The following ASPH variants were observed in gnomAD, a reference collection of about 807,000 sequenced individuals.
The protein encoded by ASPH is aspartyl/asparaginyl beta-hydroxylase.
Under a neutral mutation model 118.4 loss-of-function variants are expected in ASPH, and 100 were observed. The ratio of observed to expected loss-of-function variants is 0.84; its 90% CI spans 0.72 to 1.00. The LOEUF is 1.00. Ranked by LOEUF, ASPH falls within the 50% of genes least tolerant of loss-of-function variation. The probability of loss-of-function intolerance (pLI) is 0.00; values close to 1 mark genes in which losing one functional copy is unlikely to be tolerated. For synonymous variants in ASPH, 315 were observed against 325.6 expected (o/e 0.97, Z 0.35); for missense variants, 920 against 919.5 (o/e 1.00, Z -0.01).
intron 3 of ASPH, among the ~76,000 whole-genome samples, chr8:61,678,905 T>A (rs1826595440): frequency 6.6e-6 from 1 of 152,056 alleles, no homozygotes; most frequent in Admixed American, 6.6e-5. Flanking sequence ...CCCCATAACC[T>A]CTACCTGACC....
intron 3 of ASPH, among the ~76,000 whole-genome samples, chr8:61,671,178 C>T (rs569210590): frequency 9.9e-5 from 15 of 152,266 alleles, no homozygotes; most frequent in South Asian, 6.2e-4. Context: ...AAGGCAGGTA[C>T]GAAAGGCCCA....
chr8:61,661,774 T>A, intron 3 of ASPH: 2 of 364,680 alleles, frequency 5.5e-6, no homozygotes, highest in Non-Finnish European at 9.9e-6. Context: ...CAGGTCATAA[T>A]ACAAAATATT....
At chr8:61,549,915 C>T (rs117227546) in intron 20 of ASPH, among the ~76,000 whole-genome samples, 1 of 152,264 alleles carries the variant, frequency 6.6e-6, no homozygotes, top group East Asian at 1.9e-4. Flanking sequence ...GATTTTAGTT[C>T]CGGCCTTTAA....
chr8:61,566,063 A>G (rs992313630), intron 17 of ASPH, among the ~76,000 whole-genome samples: 1 of 152,208 alleles, frequency 6.6e-6, no homozygotes, highest in Non-Finnish European at 1.5e-5. Context: ...TCTGATGGAG[A>G]TGTATAAGGA....
intron 24 of ASPH, among the ~76,000 whole-genome samples, chr8:61,508,158 G>T (rs1243370765): frequency 6.6e-6 from 1 of 152,154 alleles, no homozygotes. Context: ...AGGACTACAG[G>T]TATGTGCCAC....
At chr8:61,665,070 T>C in intron 3 of ASPH, 1 of 1,336,932 alleles carries the variant, frequency 7.5e-7, no homozygotes, top group Non-Finnish European at 9.6e-7. Flanking sequence ...TGTTTTTACA[T>C]TTAGAAGTAT....
Position 61,644,628 on chromosome 8 carries a change from G to A in ASPH, c.624C>T (p.Thr208=), listed in dbSNP as rs776800595. 2.1e-5 allele frequency: 33 copies of A among 1,582,412 alleles called. No homozygotes were observed. Among genetic ancestry groups the A allele is most frequent in the Non-Finnish European group, 2.3e-5 (27 of 1,164,742 alleles). ...TCTCTTCCACGTGGTAACTATGCTC[G>A]GTTTCTGGAAAAAAAAAAATTAGAT... ...TLEPEVSHEE[T]EHSYHVEETV... Residue 208 remains threonine (T), a synonymous_variant, in exon 7 of 25, where the codon ACC becomes ACT. Transcript: ENST00000379454.
intron 6 of ASPH, among the ~76,000 whole-genome samples, chr8:61,644,913 A>G (rs1807142604): frequency 6.6e-6 from 1 of 152,184 alleles, no homozygotes; most frequent in Non-Finnish European, 1.5e-5. Context: ...CACAGGCCAG[A>G]CCAGGAAAGC....
In ASPH at chr8:61,643,644, G is replaced by C. The variant is rs12114414; in HGVS notation, c.710-211C>G. 0.028 allele frequency among the ~76,000 whole-genome samples: 4,272 copies of C among 152,172 alleles called. 204 individuals carry two copies. The highest frequency in any genetic ancestry group is 0.097 in the African/African-American group (4,006 of 41,436). On this transcript the variant is annotated intron_variant, in intron 8 of 24. Transcript: ENST00000379454. ...AGAGTAGAAATGGGATTTGTACCCA[G>C]AATGACTTTATAGTACATCATACTG... is the stretch of plus-strand genomic sequence containing the variant.
chr8:61,513,263 A>G (rs1359963932), intron 24 of ASPH, among the ~76,000 whole-genome samples: 1 of 152,228 alleles, frequency 6.6e-6, no homozygotes, highest in African/African-American at 2.4e-5. Flanking sequence ...TTCTACAATC[A>G]TAGCACAGAA....
At chr8:61,530,335 A>G (rs111426853) in intron 21 of ASPH, among the ~76,000 whole-genome samples, 1,890 of 152,294 alleles carry the variant, frequency 0.012, 21 homozygotes, top group Non-Finnish European at 0.02. Flanking sequence ...CACAGGTTTG[A>G]TTCTTTCTAC....
At chr8:61,545,263 G>A (rs73685080) in intron 21 of ASPH, among the ~76,000 whole-genome samples, 6,509 of 152,270 alleles carry the variant, frequency 0.043, 351 homozygotes, top group African/African-American at 0.13. Flanking sequence ...TTTCCATCAT[G>A]TGAAGACACA....
intron 20 of ASPH, among the ~76,000 whole-genome samples, chr8:61,552,621 T>TAA (rs528731457): frequency 7.5e-4 from 114 of 152,352 alleles, no homozygotes; most frequent in Non-Finnish European, 1.4e-3. Flanking sequence ...GTCAAACTGT[T>TAA]AAAATATTTC....
At chr8:61,626,029 T>C in intron 13 of ASPH, 6 of 1,224,008 alleles carry the variant, frequency 4.9e-6, no homozygotes, top group Non-Finnish European at 6.1e-6. Context: ...ATGGATCCAC[T>C]AATGCTATCA....
At chr8:61,539,699 G>GGTGTGTGTGTGTGTGTGAGTGTGT (rs1821068393) in intron 21 of ASPH, among the ~76,000 whole-genome samples, 1 of 124,214 alleles carries the variant, frequency 8.1e-6, no homozygotes, top group South Asian at 3.0e-4. Flanking sequence ...ACACTTCTGG[G>GGTGTGTGTGTGTGTGTGAGTGTGT]GTGTGTGTGT....
chr8:61,555,953 T>G lies in ASPH; in HGVS notation c.1507A>C (p.Lys503Gln), dbSNP rs755536762. The change falls in exon 19 of 25, where the codon AAA becomes CAA. Residue 503 changes from lysine to glutamine, a missense_variant. Lys to Gln is a moderately conservative substitution (Grantham distance 53). Coordinates refer to ENST00000379454, the MANE Select transcript of ASPH (RefSeq NM_004318.4). ...AAATATGGGATGCTCTCAGCAATTT[T>G]GTTCTGTGCCTTCAGGATGAAGCCA... ...HYGFILKAQN[K>Q]IAESIPYLKE... The G allele has an allele frequency of 6.2e-7, 1 of 1,614,092 alleles. No individual in the cohort carries two copies. The highest frequency in any genetic ancestry group is 1.1e-5 in the South Asian group (1 of 91,068).
intron 15 of ASPH, chr8:61,578,331 T>A: frequency 6.2e-7 from 1 of 1,605,912 alleles, no homozygotes; most frequent in South Asian, 1.1e-5. Flanking sequence ...CTCCTCGAGC[T>A]TCTCCTGAGT....
intron 18 of ASPH, among the ~76,000 whole-genome samples, chr8:61,561,574 T>C (rs902863626): frequency 6.6e-6 from 1 of 152,216 alleles, no homozygotes; most frequent in Non-Finnish European, 1.5e-5. Flanking sequence ...GCTTTGAGGA[T>C]AGACCCAGTC....
Position 61,500,778 on chromosome 8 carries a change from A to AAAC in ASPH, c.*2578_*2580dup, listed in dbSNP as rs1436341746. The AAAC allele has an allele frequency of 5.3e-5, 8 of 152,316 alleles. 1 individual carries two copies. In the South Asian group the frequency reaches 1.7e-3, roughly 32 times the overall value. 9.4% of individuals were successfully genotyped at this position (152,316 alleles called of 1,614,324 possible). A position where few individuals can be genotyped will look rare whatever the true frequency, so the allele number is the denominator to read the frequency against. Reference sequence around the variant, plus strand: ...GTATTACCAGTTGGTGCTCAAAGTCAAACAAAAATATTTTAGTTAATAATG... The same window carrying AAAC: ...GTATTACCAGTTGGTGCTCAAAGTCAAACAACAAAAATATTTTAGTTAATAATG... On this transcript the variant is annotated 3_prime_UTR_variant, in exon 25 of 25. Coordinates refer to ENST00000379454, the MANE Select transcript of ASPH (RefSeq NM_004318.4).
Sources: gnomAD v4.1 joint callset for allele counts (sites outside exome capture counted in the v4.1 genomes callset) on GRCh38, gnomAD v4.1.1 for gene constraint, MANE v1.5 for transcripts, NCBI Gene and HGNC (gene_info 2026-07-23, HGNC 2026-07-21) for gene names.